Variants in ZNG1F observed in about 807,000 individuals in gnomAD.
ZNG1F encodes zinc-regulated GTPase metalloprotein activator 1F.
the ZNG1F span, among the ~76,000 whole-genome samples, chr9:41,137,897 ATAGT>A: frequency 2.2e-5 from 2 of 91,772 alleles, no homozygotes; most frequent in African/African-American, 4.9e-5. Flanking sequence ...AAGGCAACAG[ATAGT>A]TGGTTGGTGA....
chr9:41,155,172 A>AC, the ZNG1F span, among the ~76,000 whole-genome samples: 1 of 151,518 alleles, frequency 6.6e-6, no homozygotes, highest in African/African-American at 2.4e-5. Flanking sequence ...AAAGCAAACA[A>AC]CCCCATCAAA....
At chr9:41,185,099 A>T in the ZNG1F span, among the ~76,000 whole-genome samples, 1 of 146,332 alleles carries the variant, frequency 6.8e-6, no homozygotes, top group Non-Finnish European at 1.5e-5. Context: ...CATACTTATG[A>T]AGAAAAACTC....
At chr9:41,175,060 T>G in the ZNG1F span, among the ~76,000 whole-genome samples, 2 of 140,662 alleles carry the variant, frequency 1.4e-5, no homozygotes, top group Non-Finnish European at 3.1e-5. Flanking sequence ...ATTTGATTTT[T>G]GAAAGCATCA....
the ZNG1F span, among the ~76,000 whole-genome samples, chr9:41,179,975 TAAC>T: frequency 8.4e-6 from 1 of 118,990 alleles, no homozygotes; most frequent in Non-Finnish European, 1.7e-5. Context: ...CAACCTTCAG[TAAC>T]TACTACCCTG....
the ZNG1F span, chr9:41,132,107 C>T: frequency 9.7e-6 from 15 of 1,550,122 alleles, 1 homozygote; most frequent in Admixed American, 2.2e-4. Context: ...GAAACATTGA[C>T]CACAAGCTTA....
At chr9:41,133,704 T>A in the ZNG1F span, 1 of 1,595,448 alleles carries the variant, frequency 6.3e-7, no homozygotes, top group East Asian at 2.2e-5. Flanking sequence ...GTTCTTCCTT[T>A]GCATTTCCTG....
chr9:41,152,388 T>G, the ZNG1F span, among the ~76,000 whole-genome samples: 9 of 149,118 alleles, frequency 6.0e-5, 1 homozygote, highest in African/African-American at 2.0e-4. Flanking sequence ...CTTAGACTCC[T>G]ACACAATAAT....
the ZNG1F span, among the ~76,000 whole-genome samples, chr9:41,166,449 T>C: frequency 8.0e-3 from 123 of 15,452 alleles, no homozygotes; most frequent in African/African-American, 0.014. Context: ...ATTATACATA[T>C]ATATATATAT....
At chr9:41,183,221 T>C in the ZNG1F span, among the ~76,000 whole-genome samples, 6 of 147,890 alleles carry the variant, frequency 4.1e-5, no homozygotes, top group Non-Finnish European at 7.5e-5. Context: ...GATAGTCATT[T>C]TTTTTTTTAT....
the ZNG1F span, among the ~76,000 whole-genome samples, chr9:41,178,751 C>T: frequency 1.8e-4 from 3 of 16,804 alleles, no homozygotes; most frequent in African/African-American, 2.3e-4. Flanking sequence ...TATTTTTAGT[C>T]GAGATGGGGT....
chr9:41,151,281 CAAG>C, the ZNG1F span, among the ~76,000 whole-genome samples: 1 of 142,894 alleles, frequency 7.0e-6, no homozygotes, highest in South Asian at 2.3e-4. Context: ...TGAAATGAAG[CAAG>C]AAGGGAAGTT....
the ZNG1F span, among the ~76,000 whole-genome samples, chr9:41,155,094 C>T: frequency 9.3e-3 from 1,408 of 150,730 alleles, 3 homozygotes; most frequent in African/African-American, 0.03. Context: ...AAAATTTTCG[C>T]AACCTACTCA....
chr9:41,178,960 A>G, the ZNG1F span, among the ~76,000 whole-genome samples: 3 of 123,740 alleles, frequency 2.4e-5, no homozygotes, highest in Non-Finnish European at 5.2e-5. Context: ...CTGGCTTCAA[A>G]GATTCAAAGG....
chr9:41,132,160 G>A, the ZNG1F span: 59 of 1,557,358 alleles, frequency 3.8e-5, 2 homozygotes, highest in South Asian at 3.3e-4. Context: ...CTGTTTAAGT[G>A]GCACATGATA....
At chr9:41,183,594 A>T in the ZNG1F span, 4 of 1,599,794 alleles carry the variant, frequency 2.5e-6, 1 homozygote, top group Admixed American at 1.7e-5. Flanking sequence ...ACCGTTTCTA[A>T]GTTCCAGCCA....
At chr9:41,139,841 C>T in the ZNG1F span, among the ~76,000 whole-genome samples, 1 of 151,536 alleles carries the variant, frequency 6.6e-6, no homozygotes, top group Non-Finnish European at 1.5e-5. Flanking sequence ...GGACATTACA[C>T]TAAGTGAAAT....
chr9:41,201,843 T>G, the ZNG1F span, among the ~76,000 whole-genome samples: 13,187 of 148,598 alleles, frequency 0.089, 176 homozygotes, highest in East Asian at 0.15. Context: ...TACTATAAGA[T>G]GGTGAATTTC....
the ZNG1F span, among the ~76,000 whole-genome samples, chr9:41,149,775 C>A: frequency 6.6e-6 from 1 of 150,756 alleles, no homozygotes; most frequent in African/African-American, 2.4e-5. Context: ...CTATAGTTAG[C>A]AATACTGTAT....
chr9:41,187,218 C>T, the ZNG1F span, among the ~76,000 whole-genome samples: 1 of 137,226 alleles, frequency 7.3e-6, no homozygotes, highest in African/African-American at 2.7e-5. Flanking sequence ...AAAAAGTGAA[C>T]AAGATAGTCT....
Sources: allele counts gnomAD v4.1 joint callset (sites outside exome capture counted in the v4.1 genomes callset), GRCh38; gene constraint gnomAD v4.1.1; transcripts MANE v1.5; gene names NCBI Gene and HGNC (gene_info 2026-07-23, HGNC 2026-07-21).